Variants in CFAP20 observed in about 807,000 individuals in gnomAD.
The protein encoded by CFAP20 is cilia and flagella associated protein 20.
In CFAP20, 14 loss-of-function variants were observed where a neutral mutation model predicts 25.5. The ratio of observed to expected loss-of-function variants is 0.55; its 90% CI spans 0.36 to 0.86. CFAP20 has a LOEUF of 0.86. Among genes scored for constraint, CFAP20 ranks in the 40% least tolerant of loss-of-function variants. The pLI is 0.01. For missense variants in CFAP20, 181 were observed against 248.0 expected (o/e 0.73, Z 1.81); for synonymous variants, 75 against 91.1 (o/e 0.82, Z 1.01).
At chr16:58,116,246 G>C (rs780309823) in intron 2 of CFAP20, 94 bp from the exon 3 acceptor site, 8 of 875,032 alleles carry the variant, frequency 9.1e-6, no homozygotes, top group Non-Finnish European at 1.2e-5. Context: ...GGATACACTG[G>C]AAAGCAGATC....
intron 5 of CFAP20, among the ~76,000 whole-genome samples, chr16:58,114,517 C>T (rs1235641916): frequency 3.7e-5 from 5 of 136,138 alleles, no homozygotes; most frequent in Non-Finnish European, 6.5e-5. Context: ...CAGGGCAAGA[C>T]TCCATCTCAA....
At chr16:58,118,911 G>A (rs1041467224) in intron 1 of CFAP20, among the ~76,000 whole-genome samples, 1 of 152,124 alleles carries the variant, frequency 6.6e-6, no homozygotes, top group African/African-American at 2.4e-5. Context: ...TTTAGAACAG[G>A]AGACATCAGA....
At chr16:58,127,293 CAG>C (rs1960628518) in intron 1 of CFAP20, among the ~76,000 whole-genome samples, 1 of 152,208 alleles carries the variant, frequency 6.6e-6, no homozygotes, top group African/African-American at 2.4e-5. Context: ...AGTTTCGTAA[CAG>C]AAATTCTGAG....
Position 58,116,069 on chromosome 16 carries a change from A to T in CFAP20, c.248T>A (p.Leu83Gln). 1 of 1,612,748 alleles carries T rather than the reference A, an allele frequency of 6.2e-7. No individual in the cohort carries two copies. The highest frequency in any genetic ancestry group is 8.5e-7 in the Non-Finnish European group (1 of 1,178,722). ...CACTTCGAAGGTAAAATACTTCTTCAGGTTTTTGATAATCATGACAAGGAA... is the reference window on the plus strand; with the variant it reads ...CACTTCGAAGGTAAAATACTTCTTCTGGTTTTTGATAATCATGACAAGGAA... ...LPFLVMIIKN[L>Q]KKYFTFEVQV... The change falls in exon 3 of 6, where the codon CTG becomes CAG. Residue 83 changes from leucine to glutamine, a missense_variant. Transcript: ENST00000262498.
In CFAP20 at chr16:58,115,312, C is replaced by G; in HGVS notation, c.422G>C (p.Arg141Pro). 6.2e-7 allele frequency: 1 copy of G among 1,614,194 alleles called. No homozygotes were observed. Among genetic ancestry groups the G allele is most frequent in the Non-Finnish European group, 8.5e-7 (1 of 1,180,038 alleles). ...GATGTAATTGGTGCCGTATGCTCGC[C>G]GTGTGAAGTCTAGCAAGTTGAACTG... ...QIQFNLLDFT[R>P]RAYGTNYIET... is the part of the protein sequence containing the mutation. The change falls in exon 4 of 6, where the codon CGG becomes CCG. Residue 141 changes from arginine (R) to proline (P), a missense_variant. By Grantham distance (103) the Arg-to-Pro change is moderately radical. Transcript: ENST00000262498.
At chr16:58,121,859 C>A (rs909666603) in intron 1 of CFAP20, among the ~76,000 whole-genome samples, 6 of 152,194 alleles carry the variant, frequency 3.9e-5, no homozygotes, top group Non-Finnish European at 7.3e-5. Context: ...CTGTATATTT[C>A]TATGACTGCT....
chr16:58,122,590 A>C (rs1960548802), intron 1 of CFAP20, among the ~76,000 whole-genome samples: 1 of 152,296 alleles, frequency 6.6e-6, no homozygotes, highest in East Asian at 1.9e-4. Flanking sequence ...TCAAAAAAAA[A>C]GAAAAACAAA....
intron 4 of CFAP20, 128 bp from the exon 5 acceptor site, chr16:58,115,048 G>T (rs1464546119): frequency 3.0e-6 from 3 of 1,011,780 alleles, no homozygotes; most frequent in Non-Finnish European, 3.0e-6. Flanking sequence ...TTGTCTTAGG[G>T]ATGGATTCTG....
At chr16:58,115,059 G>T in intron 4 of CFAP20, 139 bp from the exon 5 acceptor site, 1 of 975,256 alleles carries the variant, frequency 1.0e-6, no homozygotes, top group Non-Finnish European at 1.6e-6. Flanking sequence ...ATGGATTCTG[G>T]CAAGAGGGAG....
chr16:58,114,686 T>A, intron 5 of CFAP20, 124 bp downstream of exon 5: 1 of 701,170 alleles, frequency 1.4e-6, no homozygotes, highest in Admixed American at 2.6e-5. Context: ...TCTTGCGATA[T>A]AAAGGCACCC....
Position 58,116,153 on chromosome 16 carries a change from C to T in CFAP20, c.165-1G>A, listed in dbSNP as rs1182846415. Reference sequence around the variant, plus strand: ...TGCAGGGCATGTGATATATGTGGTGCTGTAGAGAGAGGAAATACTAATAAA... The same window carrying T: ...TGCAGGGCATGTGATATATGTGGTGTTGTAGAGAGAGGAAATACTAATAAA... On this transcript the variant is annotated splice_acceptor_variant, in intron 2 of 5. Coordinates refer to ENST00000262498, the MANE Select transcript of CFAP20 (RefSeq NM_013242.3). LOFTEE classifies it high-confidence loss of function. The T allele has an allele frequency of 6.3e-7, 1 of 1,598,940 alleles. No homozygotes were observed. Among genetic ancestry groups the T allele is most frequent in the South Asian group, 1.1e-5 (1 of 90,792 alleles).
chr16:58,115,692 A>C, intron 3 of CFAP20: 1 of 585,538 alleles, frequency 1.7e-6, no homozygotes. Context: ...CACAGTCAGC[A>C]GGCTCTCAGA....
intron 1 of CFAP20, among the ~76,000 whole-genome samples, chr16:58,123,614 A>AAAAAAAAAAAAAAAAAAAAAC (rs1960568645): frequency 6.8e-6 from 1 of 147,764 alleles, no homozygotes; most frequent in Non-Finnish European, 1.5e-5. Context: ...AAAAAAAAAA[A>AAAAAAAAAAAAAAAAAAAAAC]AAAAAAAAAA....
Position 58,115,473 on chromosome 16 carries a change from A to G in CFAP20, c.277-16T>C. On this transcript the variant is annotated splice_polypyrimidine_tract_variant and intron_variant, in intron 3 of 5. Transcript: ENST00000262498. ...CATCTAGTACCTGTGAAATACAGAGAAGAAGCATCACACTAGCTCTGTCTT... is the reference window on the plus strand; with the variant it reads ...CATCTAGTACCTGTGAAATACAGAGGAGAAGCATCACACTAGCTCTGTCTT... 1 of 1,613,078 alleles carries G rather than the reference A, an allele frequency of 6.2e-7. No individual in the cohort carries two copies. Among genetic ancestry groups the G allele is most frequent in the Non-Finnish European group, 8.5e-7 (1 of 1,179,380 alleles).
At chr16:58,121,746 C>T (rs538657743) in intron 1 of CFAP20, among the ~76,000 whole-genome samples, 30 of 152,014 alleles carry the variant, frequency 2.0e-4, no homozygotes, top group Non-Finnish European at 3.5e-4. Flanking sequence ...TAATAAAGAA[C>T]ACCGATTTCT....
intron 1 of CFAP20, among the ~76,000 whole-genome samples, chr16:58,128,219 A>G (rs1022738035): frequency 1.3e-5 from 2 of 152,200 alleles, no homozygotes; most frequent in Non-Finnish European, 2.9e-5. Flanking sequence ...TCTGCAAAAA[A>G]CAGATTCATC....
chr16:58,122,186 A>G (rs901877300), intron 1 of CFAP20, among the ~76,000 whole-genome samples: 21 of 152,250 alleles, frequency 1.4e-4, no homozygotes, highest in African/African-American at 5.1e-4. Context: ...GACAGGGGCT[A>G]TCCAGACAGC....
In CFAP20 at chr16:58,129,162, C is replaced by G; in HGVS notation, c.-47G>C. The stretch of plus-strand genomic sequence containing the variant: ...AGCCGCCCCCGGAGCCGACCTAGGC[C>G]CCGGAGTAGATACAGGCACCGAGCG... On this transcript the variant is annotated 5_prime_UTR_variant, in exon 1 of 6. Transcript: ENST00000262498. 4 of 1,598,302 alleles carry G rather than the reference C, an allele frequency of 2.5e-6. No individual in the cohort carries two copies. Among genetic ancestry groups the G allele is most frequent in the African/African-American group, 1.3e-5 (1 of 74,650 alleles).
chr16:58,118,701 C>T (rs1391441700), intron 1 of CFAP20, among the ~76,000 whole-genome samples: 5 of 150,156 alleles, frequency 3.3e-5, no homozygotes, highest in South Asian at 2.1e-4. Flanking sequence ...ACGTGCCTAT[C>T]GTCTCAGTTC....
Sources: gnomAD v4.1 joint callset for allele counts (sites outside exome capture counted in the v4.1 genomes callset) on GRCh38, gnomAD v4.1.1 for gene constraint, MANE v1.5 for transcripts, NCBI Gene and HGNC (gene_info 2026-07-23, HGNC 2026-07-21) for gene names.